SUV39H1: variants seen among roughly 807,000 people sequenced by gnomAD.
The protein encoded by SUV39H1 is SUV39H1 histone lysine methyltransferase.
For synonymous variants in SUV39H1, 141 were observed against 150.5 expected (o/e 0.94, Z 0.46); for missense variants, 180 against 386.3 (o/e 0.47, Z 4.48).
intron 3 of SUV39H1, among the ~76,000 whole-genome samples, chrX:48,704,430 C>T (rs1557009802): frequency 9.0e-6 from 1 of 111,310 alleles, no homozygotes; most frequent in Non-Finnish European, 1.9e-5. Flanking sequence ...CTGGGAGAGG[C>T]TGCCCTTTGA....
In SUV39H1 at chrX:48,707,793, C is replaced by T. The variant is rs782315791; in HGVS notation, c.*223C>T. On this transcript the variant is annotated 3_prime_UTR_variant, in exon 6 of 6. Transcript: ENST00000376687. ...CCCATCTGTGGGTTGCACTTACAAA[C>T]CCCCACCCACCTTCAGAAATAGTTT... The T allele has an allele frequency of 6.1e-6, 3 of 492,538 alleles. No homozygotes were observed. Among genetic ancestry groups the T allele is most frequent in the Non-Finnish European group, 1.1e-5 (3 of 274,386 alleles). The allele number at this position is 492,538 out of a possible 1,213,427, so 40.6% of individuals were successfully genotyped here.
Position 48,701,297 on chromosome X carries a change from T to G in SUV39H1, c.828+544T>G, listed in dbSNP as rs782366630. 1.9e-4 allele frequency among the ~76,000 whole-genome samples: 21 copies of G among 112,255 alleles called. No homozygotes were observed. In the South Asian group the frequency reaches 7.7e-3, roughly 41 times the overall value. ...CGAGTGTATTAGGCAAGCCAGCCAT[T>G]GTAAAAACAACCCCCTCATCTTAGT... On this transcript the variant is annotated intron_variant, in intron 3 of 5. Transcript: ENST00000376687.
intron 1 of SUV39H1, among the ~76,000 whole-genome samples, chrX:48,698,012 G>A (rs782676198): frequency 1.8e-5 from 2 of 112,343 alleles, no homozygotes; most frequent in Admixed American, 9.4e-5. Context: ...GGATGAGACA[G>A]AAAGTCAAAA....
At position 48,707,747 on chromosome X, in the gene SUV39H1, G is replaced by A. The variant is rs1370070777; in HGVS notation, c.*177G>A. ...GCCGTGGTGAGGACCGACTCCAGGA[G>A]TCCCCTTTCCCTGTCCCAGCCCCAT... is the stretch of plus-strand genomic sequence containing the variant. On this transcript the variant is annotated 3_prime_UTR_variant, in exon 6 of 6. Coordinates refer to ENST00000376687, the MANE Select transcript of SUV39H1 (RefSeq NM_003173.4). 3 of 567,840 alleles carry A rather than the reference G, an allele frequency of 5.3e-6. No homozygotes were observed. The highest frequency in any genetic ancestry group is 3.6e-5 in the East Asian group (1 of 27,609). The allele number at this position is 567,840 out of a possible 1,213,427, so 46.8% of individuals were successfully genotyped here.
chrX:48,707,719 G>A lies in SUV39H1; in HGVS notation c.*149G>A. 2.7e-6 allele frequency: 2 copies of A among 750,648 alleles called. No homozygotes were observed. Among genetic ancestry groups the A allele is most frequent in the Non-Finnish European group, 4.0e-6 (2 of 502,410 alleles). The allele number at this position is 750,648 out of a possible 1,213,427, so 61.9% of individuals were successfully genotyped here. A position where few individuals can be genotyped will look rare whatever the true frequency, so the allele number is the denominator to read the frequency against. On this transcript the variant is annotated 3_prime_UTR_variant, in exon 6 of 6. Transcript: ENST00000376687. The stretch of plus-strand genomic sequence containing the variant: ...TCCTACCTGCTCTACGTTCAGGGCT[G>A]TGGCCGTGGTGAGGACCGACTCCAG...
Position 48,706,558 on chromosome X carries a change from C to T in SUV39H1, c.1036C>T (p.Arg346Cys). The change falls in exon 5 of 6, where the codon CGC becomes TGC. Residue 346 changes from arginine (R) to cysteine (C), a missense_variant. Coordinates refer to ENST00000376687, the MANE Select transcript of SUV39H1 (RefSeq NM_003173.4). ...AGACAACCTTGACGAGCGGCTGCCC[C>T]GCATCGCTTTCTTTGCCACAAGAAC... ...FIDNLDERLP[R>C]IAFFATRTIR... is the part of the protein sequence containing the mutation. The T allele has an allele frequency of 8.3e-7, 1 of 1,207,810 alleles. No individual in the cohort carries two copies. Among genetic ancestry groups the T allele is most frequent in the Non-Finnish European group, 1.1e-6 (1 of 893,596 alleles).
chrX:48,695,649 G>A, upstream of SUV39H1: 9 of 1,110,420 alleles, frequency 8.1e-6, no homozygotes, highest in Non-Finnish European at 1.2e-6. Flanking sequence ...CGGTCAGTCG[G>A]ATGCTGAGAA....
chrX:48,708,152 A>G lies in SUV39H1; in HGVS notation c.*582A>G. 6.5e-6 allele frequency: 1 copy of G among 153,881 alleles called. No individual in the cohort carries two copies. Among genetic ancestry groups the G allele is most frequent in the South Asian group, 1.4e-4 (1 of 7,003 alleles). The allele number at this position is 153,881 out of a possible 1,213,427, so 12.7% of individuals were successfully genotyped here. Reference sequence around the variant, plus strand: ...AGTGCTGGGTAGTGTTGGCCCTAAGAGCTGTAGGGTCTCTTCTTCAGGGCT... The same window carrying G: ...AGTGCTGGGTAGTGTTGGCCCTAAGGGCTGTAGGGTCTCTTCTTCAGGGCT... On this transcript the variant is annotated 3_prime_UTR_variant, in exon 6 of 6. Coordinates refer to ENST00000376687, the MANE Select transcript of SUV39H1 (RefSeq NM_003173.4).
At chrX:48,707,369 C>A in intron 5 of SUV39H1, 68 bp from the exon 6 acceptor site, 1 of 673,161 alleles carries the variant, frequency 1.5e-6, no homozygotes, top group Non-Finnish European at 2.2e-6. Flanking sequence ...CTACCTTCCT[C>A]CCTCCCTCCT....
intron 1 of SUV39H1, 41 bp from the exon 2 acceptor site, chrX:48,698,861 A>T: frequency 8.4e-7 from 1 of 1,190,898 alleles, no homozygotes; most frequent in Non-Finnish European, 1.1e-6. Flanking sequence ...TGGCCTAGTC[A>T]GGCTGCCCAG....
At chrX:48,696,663 G>C, upstream of SUV39H1, 1 of 983,207 alleles carries the variant, frequency 1.0e-6, no homozygotes, top group Non-Finnish European at 1.3e-6. Context: ...TCTCCGGTTG[G>C]TCCGCGCGGG....
intron 1 of SUV39H1, among the ~76,000 whole-genome samples, chrX:48,697,427 G>A (rs930626567): frequency 8.0e-5 from 9 of 111,876 alleles, no homozygotes; most frequent in African/African-American, 2.6e-4. Flanking sequence ...TCCACAAGTG[G>A]GAGGACCTCT....
At chrX:48,699,382 G>A (rs183566317) in intron 2 of SUV39H1, among the ~76,000 whole-genome samples, 4 of 111,090 alleles carry the variant, frequency 3.6e-5, no homozygotes, top group East Asian at 2.8e-4. Context: ...GTTTCCTCTC[G>A]GAAACTCATT....
At position 48,697,076 on chromosome X, in the gene SUV39H1, C is replaced by T. The variant is rs782740047; in HGVS notation, c.19+273C>T. ...GCTGCAGATCGCGGCCGGACCGGCG[C>T]GCGCACGCGCGGGGGCTTGTCGAGG... On this transcript the variant is annotated intron_variant, in intron 1 of 5. Coordinates refer to ENST00000376687, the MANE Select transcript of SUV39H1 (RefSeq NM_003173.4). 3.7e-5 allele frequency among the ~76,000 whole-genome samples: 4 copies of T among 109,318 alleles called. No homozygotes were observed. In the Admixed American group the frequency reaches 3.8e-4, roughly 10 times the overall value. The allele number at this position is 109,318 out of a possible 115,157, so 94.9% of individuals were successfully genotyped here.
At chrX:48,696,703 G>A (rs2062456661), upstream of SUV39H1, 1 of 1,106,444 alleles carries the variant, frequency 9.0e-7, no homozygotes, top group Admixed American at 3.2e-5. Context: ...CGGCCAATAG[G>A]CTGCGCGTTC....
intron 1 of SUV39H1, among the ~76,000 whole-genome samples, chrX:48,697,895 A>T (rs374785634): frequency 8.0e-5 from 9 of 112,412 alleles, no homozygotes; most frequent in African/African-American, 2.6e-4. Context: ...GCAGTCCCAG[A>T]AATATACCAG....
upstream of SUV39H1, chrX:48,696,639 G>A: frequency 8.9e-6 from 7 of 785,142 alleles, no homozygotes; most frequent in Non-Finnish European, 1.2e-5. Flanking sequence ...GGCAGGGAGG[G>A]GTTCGGTCAC....
Position 48,707,831 on chromosome X carries a change from ACT to A in SUV39H1, c.*266_*267del, listed in dbSNP as rs782657130. 73 of 437,277 alleles carry A rather than the reference ACT, an allele frequency of 1.7e-4. No homozygotes were observed. Among genetic ancestry groups the A allele is most frequent in the South Asian group, 1.6e-3 (63 of 38,516 alleles). 36.0% of individuals were successfully genotyped at this position (437,277 alleles called of 1,213,427 possible). A position where few individuals can be genotyped will look rare whatever the true frequency, so the allele number is the denominator to read the frequency against. On this transcript the variant is annotated 3_prime_UTR_variant, in exon 6 of 6. Transcript: ENST00000376687. ...TCAGAAATAGTTTTTCAACATCAAG[ACT>A]CTCTGTCGTTGGGATTCATGGCCTA...
chrX:48,699,792 G>C (rs979404702), intron 2 of SUV39H1, among the ~76,000 whole-genome samples: 3 of 111,065 alleles, frequency 2.7e-5, no homozygotes, highest in Admixed American at 9.6e-5. Context: ...CAGGAGTTCC[G>C]GTCTGAACAG....
Sources: allele counts gnomAD v4.1 joint callset (sites outside exome capture counted in the v4.1 genomes callset), GRCh38; gene constraint gnomAD v4.1.1; transcripts MANE v1.5; gene names NCBI Gene and HGNC (gene_info 2026-07-23, HGNC 2026-07-21).